ACSL3: variants seen among roughly 807,000 people sequenced by gnomAD.
The protein encoded by ACSL3 is acyl-CoA synthetase long chain family member 3.
ACSL3 carries 34 observed loss-of-function variants against 84.7 expected under a neutral mutation model. That is an observed-to-expected ratio of 0.40 (90% CI 0.31 to 0.53). ACSL3 has a LOEUF of 0.53. Among genes scored for constraint, ACSL3 ranks in the 20% least tolerant of loss-of-function variants. The pLI is 0.48. For missense variants in ACSL3, 680 were observed against 873.1 expected (o/e 0.78, Z 2.79); for synonymous variants, 315 against 299.4 (o/e 1.05, Z -0.54).
intron 4 of ACSL3, among the ~76,000 whole-genome samples, chr2:222,912,003 A>G (rs1468758234): frequency 1.3e-5 from 2 of 152,254 alleles, no homozygotes; most frequent in Admixed American, 6.5e-5. Flanking sequence ...AGATCTGCCT[A>G]CTAGCATTTG....
At chr2:222,925,615 C>G (rs1055887294) in intron 11 of ACSL3, among the ~76,000 whole-genome samples, 1 of 152,018 alleles carries the variant, frequency 6.6e-6, no homozygotes, top group Non-Finnish European at 1.5e-5. Flanking sequence ...GACAAGCAAA[C>G]AAAAAACCTT....
chr2:222,922,965 C>T (rs1696779955), intron 9 of ACSL3, 113 bp from the exon 10 acceptor site: 1 of 1,385,248 alleles, frequency 7.2e-7, no homozygotes, highest in Admixed American at 2.3e-5. Flanking sequence ...TTAAGTGCTT[C>T]TTAGACTGTA....
At position 222,876,311 on chromosome 2, in the gene ACSL3, G is replaced by T. The variant is rs147123444; in HGVS notation, c.-206-11519G>T. Among the ~76,000 whole-genome samples, 443 of 151,448 alleles carry T rather than the reference G, an allele frequency of 2.9e-3. 2 individuals are homozygous for T. Among genetic ancestry groups the T allele is most frequent in the East Asian group, 0.027 (138 of 5,184 alleles). On this transcript the variant is annotated intron_variant, in intron 1 of 16. Coordinates refer to ENST00000357430, the MANE Select transcript of ACSL3 (RefSeq NM_004457.5). ...TAGTTATTGCTTTATGGTTTTTTTT[G>T]TTGTTGTTGTTTGTTTGTTTTTTTG... is the stretch of plus-strand genomic sequence containing the variant.
chr2:222,896,820 CG>C (rs1430004479), intron 2 of ACSL3, among the ~76,000 whole-genome samples: 1 of 12,520 alleles, frequency 8.0e-5, no homozygotes. Flanking sequence ...GCTGGCCGGG[CG>C]GGGGGGCTGA....
Position 222,930,771 on chromosome 2 carries a change from A to T in ACSL3, c.1691A>T (p.Asp564Val). The T allele has an allele frequency of 6.2e-7, 1 of 1,612,302 alleles. No individual in the cohort carries two copies. Among genetic ancestry groups the T allele is most frequent in the Non-Finnish European group, 8.5e-7 (1 of 1,179,168 alleles). ...GGACAAAGGTGGCTCTGTACTGGGG[A>T]TATTGGAGAGTTTGAACCCGATGGA... ...ENGQRWLCTG[D>V]IGEFEPDGCL... The change falls in exon 14 of 17, where the codon GAT becomes GTT. Residue 564 changes from aspartate to valine, a missense_variant. Asp to Val is a radical substitution (Grantham distance 152). Coordinates refer to ENST00000357430, the MANE Select transcript of ACSL3 (RefSeq NM_004457.5).
At chr2:222,930,891 C>T (rs1039493528) in intron 14 of ACSL3, 79 bp downstream of exon 14, 17 of 1,249,374 alleles carry the variant, frequency 1.4e-5, no homozygotes, top group East Asian at 4.8e-5. Flanking sequence ...TTAGAGGAGG[C>T]GCTGAATAAT....
intron 13 of ACSL3, among the ~76,000 whole-genome samples, chr2:222,929,349 T>A (rs145048411): frequency 6.6e-6 from 1 of 152,294 alleles, no homozygotes; most frequent in African/African-American, 2.4e-5. Context: ...AGAAGGAAAT[T>A]TTCACTGCAA....
chr2:222,930,779 G>A lies in ACSL3; in HGVS notation c.1699G>A (p.Glu567Lys). Reference protein sequence around the residue: ...QRWLCTGDIGEFEPDGCLKII... With the variant: ...QRWLCTGDIGKFEPDGCLKII... ...GTGGCTCTGTACTGGGGATATTGGA[G>A]AGTTTGAACCCGATGGATGCTTAAA... The change falls in exon 14 of 17, where the codon GAG becomes AAG. Residue 567 changes from glutamate (E) to lysine (K), a missense_variant. Around this residue, in one of 2 missense-constraint regions of ACSL3, gnomAD observed 347 missense variants for 525.7 expected, o/e 0.66. Coordinates refer to ENST00000357430, the MANE Select transcript of ACSL3 (RefSeq NM_004457.5). The A allele has an allele frequency of 6.2e-7, 1 of 1,613,090 alleles. No homozygotes were observed.
chr2:222,926,228 A>ATG (rs1469130618), intron 11 of ACSL3, among the ~76,000 whole-genome samples: 2 of 152,172 alleles, frequency 1.3e-5, no homozygotes, highest in African/African-American at 2.4e-5. Context: ...ATTTTGGAGG[A>ATG]TGTGTGTAGG....
In ACSL3 at chr2:222,906,016, C is replaced by T. The variant is rs182646094; in HGVS notation, c.-40-2717C>T. Among the ~76,000 whole-genome samples the T allele has an allele frequency of 5.8e-3, 888 of 152,240 alleles. 2 individuals carry two copies. The highest frequency in any genetic ancestry group is 0.011 in the Non-Finnish European group (716 of 68,010). On this transcript the variant is annotated intron_variant, in intron 3 of 16. Transcript: ENST00000357430. ...CTGCTTTTCCCTTCTTTCTGTGTGT[C>T]ATACTTTTCTGTTTATTTGCATGCC...
chr2:222,941,207 G>A (rs764001034), intron 16 of ACSL3, among the ~76,000 whole-genome samples: 1 of 152,130 alleles, frequency 6.6e-6, no homozygotes, highest in South Asian at 2.1e-4. Flanking sequence ...TGGGATTACA[G>A]GCATGAGCCA....
intron 1 of ACSL3, among the ~76,000 whole-genome samples, chr2:222,868,351 ATAG>A (rs1257863948): frequency 6.6e-6 from 1 of 152,226 alleles, no homozygotes; most frequent in East Asian, 1.9e-4. Flanking sequence ...AATGGAGATA[ATAG>A]AAATCTACCC....
chr2:222,924,450 AT>A lies in ACSL3; in HGVS notation c.1153-3del. 6.3e-7 allele frequency: 1 copy of A among 1,594,832 alleles called. No individual in the cohort carries two copies. The highest frequency in any genetic ancestry group is 8.5e-7 in the Non-Finnish European group (1 of 1,172,702). On this transcript the variant is annotated splice_polypyrimidine_tract_variant and splice_region_variant and intron_variant, in intron 10 of 16. Coordinates refer to ENST00000357430, the MANE Select transcript of ACSL3 (RefSeq NM_004457.5). ...AACTATGTTAAACTCATTTTTATAC[AT>A]TTAGGAAATCATGGATCGGATCTAC...
intron 1 of ACSL3, among the ~76,000 whole-genome samples, chr2:222,877,260 T>G (rs182016556): frequency 1.3e-5 from 2 of 152,268 alleles, no homozygotes; most frequent in African/African-American, 4.8e-5. Flanking sequence ...AAGAGTAGTT[T>G]TGGAGTTTTG....
At chr2:222,900,411 C>G (rs1696108403) in intron 2 of ACSL3, among the ~76,000 whole-genome samples, 1 of 152,172 alleles carries the variant, frequency 6.6e-6, no homozygotes, top group South Asian at 2.1e-4. Context: ...TGGGCATTCT[C>G]ATCCTTCTCT....
chr2:222,867,980 CT>C (rs35688859), intron 1 of ACSL3, among the ~76,000 whole-genome samples: 27,092 of 140,050 alleles, frequency 0.19, 2,722 homozygotes, highest in African/African-American at 0.26. Context: ...ACTTTCTTTG[CT>C]TTTTTTTTTT....
At chr2:222,920,722 C>T (rs1357467727) in intron 7 of ACSL3, among the ~76,000 whole-genome samples, 1 of 152,130 alleles carries the variant, frequency 6.6e-6, no homozygotes, top group Non-Finnish European at 1.5e-5. Context: ...ACATCCAGAA[C>T]GTAATCCAGA....
chr2:222,886,594 A>T (rs951295682), intron 1 of ACSL3, among the ~76,000 whole-genome samples: 1 of 152,246 alleles, frequency 6.6e-6, no homozygotes, highest in Non-Finnish European at 1.5e-5. Flanking sequence ...CAGGTGATAG[A>T]GAAAATCATT....
intron 3 of ACSL3, among the ~76,000 whole-genome samples, chr2:222,906,081 T>C (rs543804710): frequency 6.6e-6 from 1 of 152,332 alleles, no homozygotes; most frequent in East Asian, 1.9e-4. Flanking sequence ...TTAGATAGTA[T>C]TTTGTAGCAA....
Sources: allele counts gnomAD v4.1 joint callset (sites outside exome capture counted in the v4.1 genomes callset), GRCh38; gene constraint gnomAD v4.1.1; regional missense constraint gnomAD v4.1.1; transcripts MANE v1.5; gene names NCBI Gene and HGNC (gene_info 2026-07-23, HGNC 2026-07-21).